Variants in MTA3 observed in about 807,000 individuals in gnomAD.
MTA3 encodes the protein metastasis associated 1 family member 3, also known as metastasis-associated protein MTA3.
MTA3 carries 34 observed loss-of-function variants against 83.5 expected under a neutral mutation model. The ratio of observed to expected loss-of-function variants is 0.41; its 90% CI spans 0.31 to 0.54. The LOEUF (loss-of-function observed/expected upper bound fraction) is 0.54, where lower values mean the gene tolerates loss of function less well. Among genes scored for constraint, MTA3 ranks in the 20% least tolerant of loss-of-function variants. MTA3 has a pLI of 0.33. For synonymous variants in MTA3, 303 were observed against 252.7 expected (o/e 1.20, Z -1.89); for missense variants, 761 against 726.4 (o/e 1.05, Z -0.55).
At chr2:42,662,579 T>C (rs1689822084) in intron 8 of MTA3, among the ~76,000 whole-genome samples, 1 of 151,930 alleles carries the variant, frequency 6.6e-6, no homozygotes, top group Non-Finnish European at 1.5e-5. Context: ...AGACTTTTAA[T>C]CTATTCTCTT....
chr2:42,554,416 T>G (rs1434844523), intron 2 of MTA3, among the ~76,000 whole-genome samples: 1 of 152,232 alleles, frequency 6.6e-6, no homozygotes, highest in Non-Finnish European at 1.5e-5. Context: ...TTGTATTTTC[T>G]GCAGTTATTT....
Position 42,549,795 on chromosome 2 carries a change from G to A in MTA3, c.-140-20642G>A, listed in dbSNP as rs371153634. Among the ~76,000 whole-genome samples the A allele has an allele frequency of 1.1e-4, 16 of 147,382 alleles. No homozygotes were observed. In the East Asian group the frequency reaches 1.7e-3, roughly 16 times the overall value. On this transcript the variant is annotated intron_variant, in intron 2 of 17. Transcript: ENST00000405592. The stretch of plus-strand genomic sequence containing the variant: ...GAAGTTTTAAATTGTGTGTAGCTCT[G>A]AGTAACATGAAATCTTGGGCCACCC...
chr2:42,513,315 G>A (rs559524502), intron 2 of MTA3, among the ~76,000 whole-genome samples: 2 of 152,356 alleles, frequency 1.3e-5, no homozygotes, highest in African/African-American at 4.8e-5. Flanking sequence ...CCCTGTTCAG[G>A]TTGGGACTGA....
chr2:42,736,287 A>C (rs1668609258), intron 16 of MTA3, among the ~76,000 whole-genome samples: 1 of 152,140 alleles, frequency 6.6e-6, no homozygotes, highest in South Asian at 2.1e-4. Flanking sequence ...AAACAAATGG[A>C]CACTATGTCT....
chr2:42,707,402 C>A lies in MTA3; in HGVS notation c.1151-501C>A, dbSNP rs532466072. 2.0e-5 allele frequency among the ~76,000 whole-genome samples: 3 copies of A among 152,180 alleles called. No individual in the cohort carries two copies. The East Asian group carries it at 5.8e-4, about 29-fold the overall frequency. On this transcript the variant is annotated intron_variant, in intron 12 of 16. Transcript: ENST00000405094. ...AGGACTACAGGTGCGTGCCACCATG[C>A]CTGGCTAATTTTTTTTGTGTGTTTT...
intron 2 of MTA3, among the ~76,000 whole-genome samples, chr2:42,549,078 CAGG>C (rs1267710487): frequency 1.5e-5 from 2 of 137,100 alleles, no homozygotes; most frequent in African/African-American, 5.4e-5. Flanking sequence ...GAGGCTGAGA[CAGG>C]AGAATTGCTT....
intron 2 of MTA3, among the ~76,000 whole-genome samples, chr2:42,576,490 C>A (rs1416841618): frequency 6.6e-6 from 1 of 152,190 alleles, no homozygotes; most frequent in Admixed American, 6.5e-5. Context: ...TGAAGACAGG[C>A]ATGGTGGCTC....
chr2:42,666,389 GTACTGTA>G (rs2104392408), intron 8 of MTA3, among the ~76,000 whole-genome samples: 1 of 152,228 alleles, frequency 6.6e-6, no homozygotes, highest in Admixed American at 6.5e-5. Context: ...ATCATTACTG[GTACTGTA>G]GTCAACAAAA....
intron 15 of MTA3, among the ~76,000 whole-genome samples, chr2:42,720,951 C>CAAAAAA (rs377702701): frequency 1.0e-3 from 72 of 69,466 alleles, no homozygotes; most frequent in Middle Eastern, 7.8e-3. Context: ...GACCCTGTCT[C>CAAAAAA]AAAAAAAAAA....
At chr2:42,672,100 C>T (rs138702090) in intron 8 of MTA3, among the ~76,000 whole-genome samples, 58 of 152,270 alleles carry the variant, frequency 3.8e-4, no homozygotes, top group African/African-American at 1.3e-3. Context: ...GAATCACAGC[C>T]AGGTGGCAAT....
intron 14 of MTA3, among the ~76,000 whole-genome samples, chr2:42,718,247 ATTG>A (rs1484501803): frequency 6.6e-6 from 1 of 151,702 alleles, no homozygotes; most frequent in Non-Finnish European, 1.5e-5. Context: ...GTAAATTATT[ATTG>A]TTATTATTAT....
chr2:42,730,131 T>C (rs971703958), intron 16 of MTA3, among the ~76,000 whole-genome samples: 7 of 152,222 alleles, frequency 4.6e-5, no homozygotes, highest in African/African-American at 1.7e-4. Flanking sequence ...GTGGAGTCTT[T>C]AGGTTTTTCC....
chr2:42,654,866 C>G (rs553255605), intron 6 of MTA3, among the ~76,000 whole-genome samples: 1 of 152,120 alleles, frequency 6.6e-6, no homozygotes, highest in African/African-American at 2.4e-5. Context: ...TCCTCCTGCC[C>G]CAGCTTCCCA....
chr2:42,718,192 A>G (rs1391305437), intron 14 of MTA3, among the ~76,000 whole-genome samples: 2 of 150,974 alleles, frequency 1.3e-5, no homozygotes, highest in Non-Finnish European at 2.9e-5. Context: ...GACCTAGATA[A>G]TGGTGGTAAT....
intron 5 of MTA3, among the ~76,000 whole-genome samples, chr2:42,641,395 A>G (rs904156049): frequency 1.3e-5 from 2 of 152,148 alleles, no homozygotes; most frequent in East Asian, 3.8e-4. Context: ...AATAGACTTT[A>G]TAACTTACCT....
At chr2:42,592,096 T>C (rs1681076753) in intron 3 of MTA3, among the ~76,000 whole-genome samples, 1 of 152,012 alleles carries the variant, frequency 6.6e-6, no homozygotes, top group Admixed American at 6.6e-5. Context: ...AAACTCCGTT[T>C]CTACAAAAAA....
chr2:42,648,582 C>T (rs1376781472), intron 6 of MTA3, among the ~76,000 whole-genome samples: 1 of 152,028 alleles, frequency 6.6e-6, no homozygotes, highest in Non-Finnish European at 1.5e-5. Flanking sequence ...TGTGGCTTTT[C>T]GATTTTTAAA....
At chr2:42,521,654 TTCCTC>T (rs1402141665) in intron 2 of MTA3, among the ~76,000 whole-genome samples, 7 of 151,980 alleles carry the variant, frequency 4.6e-5, no homozygotes, top group Non-Finnish European at 7.4e-5. Flanking sequence ...GCAGAGCCCT[TTCCTC>T]TCATTAATTC....
intron 16 of MTA3, among the ~76,000 whole-genome samples, chr2:42,744,792 A>G (rs1022411935): frequency 6.6e-6 from 1 of 152,240 alleles, no homozygotes; most frequent in Admixed American, 6.5e-5. Flanking sequence ...TTGGGATATC[A>G]GTACGGTAAT....
Sources: gnomAD v4.1 joint callset for allele counts (sites outside exome capture counted in the v4.1 genomes callset) on GRCh38, gnomAD v4.1.1 for gene constraint, MANE v1.5 for transcripts, NCBI Gene and HGNC (gene_info 2026-07-23, HGNC 2026-07-21) for gene names.